Variants in USP45 observed in about 807,000 individuals in gnomAD.
USP45 encodes the protein ubiquitin specific peptidase 45.
In USP45, 89 loss-of-function variants were observed where a neutral mutation model predicts 95.8. The observed-to-expected ratio is 0.93, with a 90% confidence interval of 0.78 to 1.11. The LOEUF (loss-of-function observed/expected upper bound fraction) is 1.11, where lower values mean the gene tolerates loss of function less well. Among genes scored for constraint, USP45 ranks in the 50% least tolerant of loss-of-function variants. The probability of loss-of-function intolerance (pLI) is 0.00; values close to 1 mark genes in which losing one functional copy is unlikely to be tolerated. For synonymous variants in USP45, 281 were observed against 316.2 expected (o/e 0.89, Z 1.18); for missense variants, 898 against 942.5 (o/e 0.95, Z 0.62).
chr6:99,447,566 G>A (rs530743107), intron 13 of USP45, among the ~76,000 whole-genome samples: 2 of 152,338 alleles, frequency 1.3e-5, no homozygotes, highest in South Asian at 4.1e-4. Flanking sequence ...ACTGGGTGGA[G>A]CCCACCACAG....
chr6:99,497,019 C>A lies in USP45; in HGVS notation c.478+6746G>T, dbSNP rs372566862. 7.2e-5 allele frequency among the ~76,000 whole-genome samples: 11 copies of A among 152,218 alleles called. 1 individual carries two copies. The highest frequency in any genetic ancestry group is 2.4e-4 in the African/African-American group (10 of 41,550). On this transcript the variant is annotated intron_variant, in intron 5 of 17. Transcript: ENST00000500704. ...TGGACAGATGCAGAATGACATGGAT[C>A]CAGCATTATAGTATCATACAGAGTA...
chr6:99,461,146 T>C (rs1412001552), intron 13 of USP45: 29 of 984,750 alleles, frequency 2.9e-5, no homozygotes, highest in Non-Finnish European at 3.4e-5. Flanking sequence ...ACTTATGTGT[T>C]GAAGCAACTC....
chr6:99,457,811 G>A (rs901373174), intron 13 of USP45, among the ~76,000 whole-genome samples: 2 of 152,086 alleles, frequency 1.3e-5, no homozygotes, highest in African/African-American at 4.8e-5. Context: ...TCTGAGGTTG[G>A]GTATGAGAAT....
chr6:99,467,093 G>C (rs1410929800), intron 10 of USP45, among the ~76,000 whole-genome samples: 1 of 152,100 alleles, frequency 6.6e-6, no homozygotes, highest in Admixed American at 6.6e-5. Flanking sequence ...CAGAAGAATG[G>C]AAAAGGAGAT....
At chr6:99,509,481 T>C (rs1048877728) in intron 2 of USP45, among the ~76,000 whole-genome samples, 4 of 151,916 alleles carry the variant, frequency 2.6e-5, no homozygotes, top group African/African-American at 7.3e-5. Flanking sequence ...AAATATCCCT[T>C]TAAATGGAGA....
At chr6:99,438,794 A>T (rs761107773) in intron 16 of USP45, among the ~76,000 whole-genome samples, 126 of 152,276 alleles carry the variant, frequency 8.3e-4, no homozygotes, top group Admixed American at 1.8e-3. Context: ...GAAGAAAGTG[A>T]ATTAGTGTGT....
chr6:99,433,409 T>C lies in USP45; in HGVS notation c.*2307A>G, dbSNP rs374073098. 1 of 152,640 alleles carries C rather than the reference T, an allele frequency of 6.6e-6. No homozygotes were observed. The highest frequency in any genetic ancestry group is 1.5e-5 in the Non-Finnish European group (1 of 68,032). The allele number at this position is 152,640 out of a possible 1,614,324, so 9.5% of individuals were successfully genotyped here. ...TGAGGTGATCCAGAAACTACTGTTA[T>C]TATAGTAGACTTGCTACTATATACA... is the stretch of plus-strand genomic sequence containing the variant. On this transcript the variant is annotated 3_prime_UTR_variant, in exon 18 of 18. Transcript: ENST00000500704.
intron 7 of USP45, among the ~76,000 whole-genome samples, chr6:99,484,378 CTT>C (rs57943854): frequency 0.11 from 15,971 of 151,532 alleles, 1,103 homozygotes; most frequent in African/African-American, 0.2. Flanking sequence ...GGGGGTCTCA[CTT>C]TGTTGCCCAG....
rs550566258 is a variant in USP45, at chr6:99,433,835, A to G, written c.*1881T>C. The G allele has an allele frequency of 6.6e-6, 1 of 152,342 alleles. No individual in the cohort carries two copies. The highest frequency in any genetic ancestry group is 6.5e-5 in the Admixed American group (1 of 15,296). The allele number at this position is 152,342 out of a possible 1,614,324, so 9.4% of individuals were successfully genotyped here. On this transcript the variant is annotated 3_prime_UTR_variant, in exon 18 of 18. Coordinates refer to ENST00000500704, the MANE Select transcript of USP45 (RefSeq NM_001346022.3). The stretch of plus-strand genomic sequence containing the variant: ...CAAGAAACAAGTGACCATCCGATGA[A>G]AAGTGCATGCCTCTTAACAGTATCT...
At chr6:99,500,379 C>G (rs1797122715) in intron 5 of USP45, among the ~76,000 whole-genome samples, 1 of 152,190 alleles carries the variant, frequency 6.6e-6, no homozygotes, top group South Asian at 2.1e-4. Context: ...CCGACTTGGG[C>G]TCCCAAAGTG....
chr6:99,483,343 T>A (rs1389450579), intron 7 of USP45, among the ~76,000 whole-genome samples: 1 of 152,172 alleles, frequency 6.6e-6, no homozygotes, highest in Non-Finnish European at 1.5e-5. Flanking sequence ...AAAATCAGCA[T>A]AACATCTCCC....
chr6:99,496,807 G>A (rs1796397083), intron 5 of USP45, among the ~76,000 whole-genome samples: 1 of 151,106 alleles, frequency 6.6e-6, no homozygotes, highest in Admixed American at 6.6e-5. Flanking sequence ...CAGCAAAACT[G>A]AGCATACGTT....
At chr6:99,478,068 T>C (rs1428257781) in intron 8 of USP45, among the ~76,000 whole-genome samples, 1 of 152,196 alleles carries the variant, frequency 6.6e-6, no homozygotes, top group Non-Finnish European at 1.5e-5. Flanking sequence ...GGGCAGTTTA[T>C]GGCTTTCAAA....
At chr6:99,439,354 T>C (rs758642754) in intron 16 of USP45, among the ~76,000 whole-genome samples, 3 of 152,244 alleles carry the variant, frequency 2.0e-5, no homozygotes, top group Admixed American at 2.0e-4. Context: ...CCACTCTCAG[T>C]AGTACACATG....
At chr6:99,489,218 T>C (rs542611727) in intron 5 of USP45, among the ~76,000 whole-genome samples, 2 of 152,328 alleles carry the variant, frequency 1.3e-5, no homozygotes, top group South Asian at 4.1e-4. Context: ...CATAACATTT[T>C]GCCATGCCAG....
chr6:99,465,033 T>G, intron 12 of USP45, 47 bp downstream of exon 12: 1 of 1,450,700 alleles, frequency 6.9e-7, no homozygotes, highest in Non-Finnish European at 9.5e-7. Context: ...AAATAAATGA[T>G]TAAATGTTCT....
chr6:99,466,876 A>C, intron 10 of USP45, 113 bp from the exon 11 acceptor site: 2 of 698,164 alleles, frequency 2.9e-6, no homozygotes, highest in South Asian at 3.6e-5. Context: ...TCTGTACTAC[A>C]TTTAATAATA....
chr6:99,442,517 T>C (rs1375251472), intron 15 of USP45, among the ~76,000 whole-genome samples: 1 of 152,230 alleles, frequency 6.6e-6, no homozygotes, highest in Non-Finnish European at 1.5e-5. Flanking sequence ...TAAGGTTTTA[T>C]ATTTAGAAAG....
chr6:99,486,058 A>G (rs140824720), intron 7 of USP45, among the ~76,000 whole-genome samples: 35 of 152,274 alleles, frequency 2.3e-4, no homozygotes, highest in African/African-American at 8.4e-4. Flanking sequence ...TGTTCCCCTA[A>G]TTTTGGGATT....
Sources: gnomAD v4.1 joint callset for allele counts (sites outside exome capture counted in the v4.1 genomes callset) on GRCh38, gnomAD v4.1.1 for gene constraint, MANE v1.5 for transcripts, NCBI Gene and HGNC (gene_info 2026-07-23, HGNC 2026-07-21) for gene names.